Variants in DMD observed in about 807,000 individuals in gnomAD.
The protein encoded by DMD is mutant dystrophin.
In DMD, 63 loss-of-function variants were observed where a neutral mutation model predicts 330.1. The observed-to-expected ratio is 0.19, with a 90% confidence interval of 0.16 to 0.24. DMD has a LOEUF of 0.24. Among genes scored for constraint, DMD ranks in the 10% least tolerant of loss-of-function variants. DMD has a pLI of 1.00. For missense variants in DMD, 3,344 were observed against 2,684.1 expected (o/e 1.25, Z -5.43); for synonymous variants, 1,223 against 959.8 (o/e 1.27, Z -5.07).
chrX:31,220,366 C>T (rs1187618508), intron 64 of DMD, among the ~76,000 whole-genome samples: 1 of 111,461 alleles, frequency 9.0e-6, no homozygotes, highest in African/African-American at 3.3e-5. Context: ...TCCACTGTGC[C>T]TCTAAAATCT....
At chrX:31,695,428 A>G (rs2083393550) in intron 52 of DMD, among the ~76,000 whole-genome samples, 1 of 111,046 alleles carries the variant, frequency 9.0e-6, no homozygotes, top group Admixed American at 9.6e-5. Flanking sequence ...AAGTACAATT[A>G]CATTGTTTGT....
At chrX:32,634,069 C>A (rs1015186614) in intron 11 of DMD, among the ~76,000 whole-genome samples, 2 of 111,523 alleles carry the variant, frequency 1.8e-5, no homozygotes, top group African/African-American at 6.5e-5. Flanking sequence ...GGCACCCCAC[C>A]CAAAAGATAA....
intron 1 of DMD, among the ~76,000 whole-genome samples, chrX:33,271,955 C>T (rs1277155782): frequency 9.1e-6 from 1 of 109,898 alleles, no homozygotes; most frequent in African/African-American, 3.3e-5. Flanking sequence ...GCAATCTCAG[C>T]TCACTGCAAC....
intron 1 of DMD, among the ~76,000 whole-genome samples, chrX:33,292,580 CA>C (rs1315016691): frequency 9.2e-6 from 1 of 108,645 alleles, no homozygotes; most frequent in African/African-American, 3.3e-5. Context: ...AGAAAATCTA[CA>C]AAAAAATAGT....
intron 2 of DMD, among the ~76,000 whole-genome samples, chrX:32,952,150 T>C (rs77855932): frequency 9.1e-6 from 1 of 109,860 alleles, no homozygotes; most frequent in East Asian, 2.8e-4. Context: ...TTTTTTTTTT[T>C]TGAGACTCAG....
At chrX:31,256,793 A>G (rs767448904) in intron 63 of DMD, among the ~76,000 whole-genome samples, 4 of 109,129 alleles carry the variant, frequency 3.7e-5, no homozygotes, top group South Asian at 8.1e-4. Context: ...CTTTTCTGTC[A>G]TAAGTTCTCA....
chrX:32,978,093 A>G (rs2092604386), intron 2 of DMD, among the ~76,000 whole-genome samples: 1 of 59,534 alleles, frequency 1.7e-5, no homozygotes, highest in South Asian at 8.1e-4. Context: ...AAAAACTTTA[A>G]GAGAAAAGTC....
intron 67 of DMD, among the ~76,000 whole-genome samples, chrX:31,192,607 C>T (rs1488139796): frequency 1.8e-5 from 2 of 111,851 alleles, no homozygotes; most frequent in Non-Finnish European, 3.8e-5. Flanking sequence ...ATTTCCCTTT[C>T]GGCCTTTATA....
rs759171595 is a variant in DMD, at chrX:31,120,432, T to C, written c.*1487A>G. The C allele has an allele frequency of 1.8e-5, 2 of 112,108 alleles. No homozygotes were observed. The highest frequency in any genetic ancestry group is 2.8e-4 in the East Asian group (1 of 3,579). 9.2% of individuals were successfully genotyped at this position (112,108 alleles called of 1,213,427 possible). A position where few individuals can be genotyped will look rare whatever the true frequency, so the allele number is the denominator to read the frequency against. On this transcript the variant is annotated 3_prime_UTR_variant, in exon 79 of 79. Transcript: ENST00000357033. Reference sequence around the variant, plus strand: ...GAAACACAGTTCATGGGCTTCTGGGTTGATACCTGTCAGTATCACAAATGT... The same window carrying C: ...GAAACACAGTTCATGGGCTTCTGGGCTGATACCTGTCAGTATCACAAATGT...
intron 74 of DMD, among the ~76,000 whole-genome samples, chrX:31,160,888 A>G (rs2038729627): frequency 8.9e-6 from 1 of 111,781 alleles, no homozygotes; most frequent in South Asian, 3.8e-4. Flanking sequence ...GATTTGTTAT[A>G]AAAATGTTGA....
At chrX:31,831,121 C>T (rs917741056) in intron 49 of DMD, among the ~76,000 whole-genome samples, 58 of 112,081 alleles carry the variant, frequency 5.2e-4, no homozygotes, top group African/African-American at 1.8e-3. Context: ...AAGTGTTTTA[C>T]GCTCTTGCTG....
intron 59 of DMD, among the ~76,000 whole-genome samples, chrX:31,449,501 G>C (rs892437989): frequency 3.6e-5 from 4 of 109,920 alleles, no homozygotes; most frequent in African/African-American, 1.3e-4. Context: ...CACACATTTA[G>C]GGATAAGGGA....
chrX:32,440,562 C>T (rs1268506399), intron 28 of DMD, among the ~76,000 whole-genome samples: 3 of 111,054 alleles, frequency 2.7e-5, no homozygotes, highest in African/African-American at 9.8e-5. Flanking sequence ...ATAGATAAGT[C>T]AAAAGTACAC....
chrX:31,923,594 C>CTTTTTT (rs746084752), intron 47 of DMD, among the ~76,000 whole-genome samples: 2 of 76,210 alleles, frequency 2.6e-5, no homozygotes, highest in Non-Finnish European at 4.8e-5. Flanking sequence ...GGTGAACACC[C>CTTTTTT]TTTTTTTTTT....
chrX:31,960,339 T>A (rs1040081935), intron 45 of DMD, among the ~76,000 whole-genome samples: 1 of 111,083 alleles, frequency 9.0e-6, no homozygotes, highest in Non-Finnish European at 1.9e-5. Flanking sequence ...GTTACTAATA[T>A]CCATCAATAG....
intron 1 of DMD, among the ~76,000 whole-genome samples, chrX:33,314,549 T>C (rs754380233): frequency 2.2e-3 from 214 of 98,752 alleles, no homozygotes; most frequent in African/African-American, 7.5e-3. Context: ...TGATCCACTG[T>C]GCCCAGCCTG....
chrX:33,335,691 A>G (rs1378385705), intron 1 of DMD, among the ~76,000 whole-genome samples: 1 of 110,918 alleles, frequency 9.0e-6, no homozygotes, highest in Non-Finnish European at 1.9e-5. Flanking sequence ...CAGGCCAAGT[A>G]GGTTCAAGAA....
chrX:32,797,281 C>T (rs2076248708), intron 7 of DMD, among the ~76,000 whole-genome samples: 1 of 111,846 alleles, frequency 8.9e-6, no homozygotes, highest in Admixed American at 9.5e-5. Flanking sequence ...AGCCATCACA[C>T]CCAGCCCTGT....
intron 7 of DMD, among the ~76,000 whole-genome samples, chrX:32,735,751 A>T (rs147214944): frequency 0.011 from 1,243 of 112,205 alleles, 14 homozygotes; most frequent in Non-Finnish European, 0.018. Context: ...CTCACACCTT[A>T]TACAAAAATC....
Sources: gnomAD v4.1 joint callset for allele counts (sites outside exome capture counted in the v4.1 genomes callset) on GRCh38, gnomAD v4.1.1 for gene constraint, MANE v1.5 for transcripts, NCBI Gene and HGNC (gene_info 2026-07-23, HGNC 2026-07-21) for gene names.